TKT: variants seen among roughly 807,000 people sequenced by gnomAD.
TKT encodes epididymis luminal protein 107.
Under a neutral mutation model 63.9 loss-of-function variants are expected in TKT, and 47 were observed. The observed-to-expected ratio is 0.74, with a 90% CI of 0.58 to 0.94. The LOEUF is 0.94. TKT is among the 40% of genes least tolerant of loss of function. The pLI is 0.00. For synonymous variants in TKT, 338 were observed against 334.1 expected, an observed-to-expected ratio of 1.01 and a Z score of -0.13; for missense variants, 721 against 846.2, an observed-to-expected ratio of 0.85 and a Z score of 1.84.
intron 12 of TKT, chr3:53,227,806 TG>T (rs35936646): frequency 4.8e-6 from 2 of 419,154 alleles, no homozygotes. Flanking sequence ...GCCACCATGC[TG>T]GGGGGGTCTC....
intron 5 of TKT, chr3:53,234,023 A>C (rs1704893714): frequency 6.6e-6 from 1 of 152,286 alleles, no homozygotes; most frequent in African/African-American, 2.4e-5. Flanking sequence ...ATCTGGCTTG[A>C]GTCACGAGGT....
intron 1 of TKT, among the ~76,000 whole-genome samples, chr3:53,250,115 C>A (rs1037124674): frequency 6.6e-6 from 1 of 152,226 alleles, no homozygotes; most frequent in African/African-American, 2.4e-5. Context: ...GGCAGAGAAC[C>A]AAGCCACCCC....
chr3:53,230,522 A>C lies in TKT; in HGVS notation c.1042T>G (p.Ser348Ala), dbSNP rs1475750747. ...LDGDTKNSTF[S>A]EIFKKEHPDR... The stretch of plus-strand genomic sequence containing the variant: ...GGGTGCTCCTTTTTGAAGATCTCCG[A>C]GAAGGTGGAATTTTTGGTGTCCCCA... The change falls in exon 8 of 14, where the codon TCG becomes GCG. Residue 348 changes from serine (S) to alanine (A), a missense_variant. Physicochemically the swap from Ser to Ala is moderately conservative, Grantham distance 99. Transcript: ENST00000462138. 5 of 1,614,042 alleles carry C rather than the reference A, an allele frequency of 3.1e-6. No individual in the cohort carries two copies. The highest frequency in any genetic ancestry group is 4.2e-6 in the Non-Finnish European group (5 of 1,180,034).
intron 4 of TKT, among the ~76,000 whole-genome samples, chr3:53,235,989 A>C (rs1705012330): frequency 2.7e-5 from 1 of 36,802 alleles, no homozygotes; most frequent in Non-Finnish European, 8.3e-5. Context: ...CGGCAGCAAC[A>C]GACAGGACTT....
Position 53,241,173 on chromosome 3 carries a change from G to C in TKT, c.298C>G (p.Leu100Val), listed in dbSNP as rs1553679767. ...GFLAEAELLN[L>V]RKISSDLDGH... ...TCCAAGTCGGAGCTGATCTTCCTCAGGTTCAGCAGCTCCGCCTCGGCCAGG... is the reference window on the plus strand; with the variant it reads ...TCCAAGTCGGAGCTGATCTTCCTCACGTTCAGCAGCTCCGCCTCGGCCAGG... The change falls in exon 3 of 14, where the codon CTG becomes GTG. Residue 100 changes from leucine to valine, a missense_variant. Transcript: ENST00000462138. 4 of 1,595,338 alleles carry C rather than the reference G, an allele frequency of 2.5e-6. No homozygotes were observed. The Admixed American group carries it at 5.3e-5, about 21-fold the overall frequency.
chr3:53,247,348 A>G (rs1172714729), intron 1 of TKT, among the ~76,000 whole-genome samples: 5 of 115,090 alleles, frequency 4.3e-5, no homozygotes, highest in Non-Finnish European at 8.7e-5. Context: ...CAAGAGTGAA[A>G]CTCAGCCTCA....
At chr3:53,242,632 G>T (rs1705333150) in intron 1 of TKT, among the ~76,000 whole-genome samples, 1 of 152,194 alleles carries the variant, frequency 6.6e-6, no homozygotes, top group South Asian at 2.1e-4. Context: ...GTAGAACCCA[G>T]TTCCCACCTA....
intron 1 of TKT, chr3:53,243,530 G>C (rs77351539): frequency 0.12 from 53,206 of 455,818 alleles, 3,570 homozygotes; most frequent in Middle Eastern, 0.18. Context: ...CCAGAAAACT[G>C]TCCATGCTGG....
chr3:53,230,839 G>A (rs1553676852), intron 7 of TKT, among the ~76,000 whole-genome samples: 1 of 151,982 alleles, frequency 6.6e-6, no homozygotes, highest in Admixed American at 6.5e-5. Flanking sequence ...GGCTGTGAAA[G>A]GTATAAGCTA....
intron 4 of TKT, among the ~76,000 whole-genome samples, chr3:53,237,590 T>G (rs1553678943): frequency 6.6e-6 from 1 of 151,206 alleles, no homozygotes; most frequent in Non-Finnish European, 1.5e-5. Context: ...AATACATCAT[T>G]AGATTTAAAT....
At chr3:53,253,795 TCTCA>T (rs1177198905) in intron 1 of TKT, among the ~76,000 whole-genome samples, 1 of 151,436 alleles carries the variant, frequency 6.6e-6, no homozygotes, top group Admixed American at 6.6e-5. Flanking sequence ...AGCTATGGGG[TCTCA>T]CTGTGTTGCC....
At chr3:53,231,644 CGAGGGCA>C in intron 6 of TKT, 94 bp from the exon 7 acceptor site, 1 of 1,331,266 alleles carries the variant, frequency 7.5e-7, no homozygotes, top group East Asian at 2.4e-5. Flanking sequence ...CTCTACCTGC[CGAGGGCA>C]AGGGAGGAAT....
At chr3:53,243,454 A>G (rs1575570858) in intron 1 of TKT, 1 of 387,576 alleles carries the variant, frequency 2.6e-6, no homozygotes, top group Non-Finnish European at 5.2e-6. Context: ...CCGCCCCTCC[A>G]ATCAGCGCTC....
At chr3:53,228,536 C>CT in intron 10 of TKT, 177 bp from the exon 11 acceptor site, 1 of 646,996 alleles carries the variant, frequency 1.5e-6, no homozygotes, top group Non-Finnish European at 2.6e-6. Context: ...CTTGAACACT[C>CT]TGAGAACTGC....
intron 1 of TKT, 32 bp downstream of exon 1, chr3:53,255,804 A>G: frequency 1.4e-6 from 2 of 1,408,720 alleles, no homozygotes; most frequent in Non-Finnish European, 1.9e-6. Context: ...GCCCCGCCCG[A>G]GCCGCGTCCC....
At chr3:53,243,733 C>T (rs1461363857) in intron 1 of TKT, 16 of 424,952 alleles carry the variant, frequency 3.8e-5, no homozygotes, top group Middle Eastern at 7.4e-4. Context: ...CCTAATCCCA[C>T]GCTCCCAGGG....
intron 13 of TKT, 103 bp downstream of exon 13, chr3:53,226,653 G>A (rs1704509059): frequency 6.5e-7 from 1 of 1,540,732 alleles, no homozygotes; most frequent in Non-Finnish European, 8.9e-7. Context: ...TGGGTGTTCT[G>A]GGCCACAGCT....
At chr3:53,253,726 T>C (rs1705858923) in intron 1 of TKT, among the ~76,000 whole-genome samples, 1 of 152,202 alleles carries the variant, frequency 6.6e-6, no homozygotes. Context: ...ATTGTGCTGC[T>C]GCACTCTAGC....
At chr3:53,240,171 G>T in intron 4 of TKT, 80 bp downstream of exon 4, 1 of 1,361,592 alleles carries the variant, frequency 7.3e-7, no homozygotes, top group Non-Finnish European at 1.0e-6. Context: ...GAAGAGTCTG[G>T]GGGCGATGGT....
Sources: gnomAD v4.1 joint callset for allele counts (sites outside exome capture counted in the v4.1 genomes callset) on GRCh38, gnomAD v4.1.1 for gene constraint, MANE v1.5 for transcripts, NCBI Gene and HGNC (gene_info 2026-07-23, HGNC 2026-07-21) for gene names.